The following C6 variants were observed in gnomAD, a reference collection of about 807,000 sequenced individuals.
C6 encodes complement component C6.
A neutral mutation model predicts 112.9 loss-of-function variants in C6; 101 were observed. The ratio of observed to expected loss-of-function variants is 0.89; its 90% CI spans 0.76 to 1.06. C6 has a LOEUF of 1.06. Among genes scored for constraint, C6 ranks in the 50% least tolerant of loss-of-function variants. The pLI, the probability that C6 is intolerant of heterozygous loss-of-function variation, is 0.00. For missense variants in C6, 1,202 were observed against 1,104.6 expected (o/e 1.09, Z -1.25); for synonymous variants, 431 against 384.1 (o/e 1.12, Z -1.43).
chr5:41,252,762 G>C (rs544378341), intron 1 of C6, among the ~76,000 whole-genome samples: 1 of 152,208 alleles, frequency 6.6e-6, no homozygotes, highest in Non-Finnish European at 1.5e-5. Context: ...CTACCTGGAG[G>C]CTTCATCTAC....
upstream of C6, among the ~76,000 whole-genome samples, chr5:41,216,416 C>G (rs919689562): frequency 2.6e-5 from 4 of 152,084 alleles, no homozygotes; most frequent in African/African-American, 9.7e-5. Context: ...CTTCCTACAC[C>G]CATCTAGGAT....
At chr5:41,232,751 C>A (rs529812208) in intron 1 of C6, among the ~76,000 whole-genome samples, 1 of 152,128 alleles carries the variant, frequency 6.6e-6, no homozygotes, top group East Asian at 1.9e-4. Flanking sequence ...CAATTAACTT[C>A]CTCAGAGTCA....
rs1214231041 is a variant in C6 at position 41,153,875 on chromosome 5, G to T, written c.2225C>A (p.Ser742Ter). 1.2e-6 allele frequency: 2 copies of T among 1,613,766 alleles called. No homozygotes were observed. The highest frequency in any genetic ancestry group is 4.5e-5 in the East Asian group (2 of 44,842). ...GGAATTCCCCTGGCATGTGTACCTT[G>T]ATGGCCCAGCAACAACAAAGCCTTT... ...CPKGFVVAGP[S>*]RYTCQGNSWT... The change falls in exon 15 of 18, where the codon TCA becomes TAA. Residue 742 changes from serine (S) to a stop codon, truncating the protein, a stop_gained. Coordinates refer to ENST00000337836, the MANE Select transcript of C6 (RefSeq NM_000065.5). LOFTEE classifies it high-confidence loss of function.
intron 7 of C6, among the ~76,000 whole-genome samples, chr5:41,179,333 T>C (rs80216597): frequency 2.6e-5 from 4 of 152,200 alleles, no homozygotes; most frequent in Non-Finnish European, 5.9e-5. Context: ...TTGAAATACA[T>C]ATAAATCACA....
chr5:41,206,320 C>T (rs2150377355), intron 1 of C6, among the ~76,000 whole-genome samples: 2 of 152,306 alleles, frequency 1.3e-5, no homozygotes, highest in South Asian at 4.1e-4. Flanking sequence ...CTCTTCTCCT[C>T]CAAAGGAACG....
chr5:41,176,346 C>T (rs981374700), intron 8 of C6, 129 bp downstream of exon 8: 5 of 926,784 alleles, frequency 5.4e-6, no homozygotes, highest in Non-Finnish European at 8.0e-6. Flanking sequence ...TATCATTCTT[C>T]ATATCATTTT....
chr5:41,240,293 C>T (rs114729308), intron 1 of C6, among the ~76,000 whole-genome samples: 9,453 of 152,078 alleles, frequency 0.062, 354 homozygotes, highest in Middle Eastern at 0.088. Flanking sequence ...GCCAAGAATG[C>T]CTGTTCTTGG....
At chr5:41,256,054 T>G (rs115094362) in intron 1 of C6, among the ~76,000 whole-genome samples, 1,894 of 152,276 alleles carry the variant, frequency 0.012, 44 homozygotes, top group African/African-American at 0.043. Flanking sequence ...TCTTAGATTC[T>G]TGCGATAGTT....
chr5:41,142,394 T>G lies in C6; in HGVS notation c.*431A>C, dbSNP rs927215528. 2 of 206,844 alleles carry G rather than the reference T, an allele frequency of 9.7e-6. No individual in the cohort carries two copies. The highest frequency in any genetic ancestry group is 1.7e-4 in the South Asian group (2 of 11,542). The allele number at this position is 206,844 out of a possible 1,614,324, so 12.8% of individuals were successfully genotyped here. On this transcript the variant is annotated 3_prime_UTR_variant, in exon 18 of 18. Coordinates refer to ENST00000337836, the MANE Select transcript of C6 (RefSeq NM_000065.5). ...GTATACACACTCAGAAATTATTTGT[T>G]GAATGAAGATATGAAAGCTGGGCTT... is the stretch of plus-strand genomic sequence containing the variant.
chr5:41,149,392 T>G lies in C6; in HGVS notation c.2472A>C (p.Leu824Phe), dbSNP rs1219428910. Residue 824 changes from leucine (L) to phenylalanine (F), a missense_variant, in exon 17 of 18, where the codon TTA (leucine) becomes TTC (phenylalanine). Physicochemically the swap from Leu to Phe is conservative, Grantham distance 22. Transcript: ENST00000337836. The part of the protein sequence containing the change: ...PACKFLAEKC[L>F]NNQQLHFLHI... ...GTAGAAAATGGAGTTGCTGATTATT[T>G]AAACATTTCTCAGCCAAAAACTTAC... The G allele has an allele frequency of 1.9e-6, 3 of 1,614,020 alleles. No homozygotes were observed. The highest frequency in any genetic ancestry group is 2.5e-6 in the Non-Finnish European group (3 of 1,180,004).
chr5:41,255,930 G>T (rs1358411620), intron 1 of C6, among the ~76,000 whole-genome samples: 2 of 152,212 alleles, frequency 1.3e-5, no homozygotes, highest in Non-Finnish European at 2.9e-5. Context: ...GAGTGGAGAT[G>T]TGCTAACAGA....
chr5:41,229,545 A>G (rs1196504683), intron 1 of C6, among the ~76,000 whole-genome samples: 1 of 152,044 alleles, frequency 6.6e-6, no homozygotes, highest in Non-Finnish European at 1.5e-5. Context: ...AGATGGTGCA[A>G]TTTGATTTCA....
intron 1 of C6, among the ~76,000 whole-genome samples, chr5:41,246,475 GGCAGAGAGTGTCCAAAGTAATCTTCAGGT>G (rs1389112191): frequency 6.6e-6 from 1 of 152,126 alleles, no homozygotes; most frequent in Non-Finnish European, 1.5e-5. Flanking sequence ...CATATGTGCA[GGCAGAGAGTGTCCAAAGTAATCTTCAGGT>G]GCAAAAAAAA....
intron 17 of C6, among the ~76,000 whole-genome samples, chr5:41,147,971 T>C (rs1469768944): frequency 1.3e-5 from 2 of 152,032 alleles, no homozygotes; most frequent in African/African-American, 4.8e-5. Flanking sequence ...TTGGTGAGAG[T>C]GTGGGAAAGC....
At position 41,261,117 on chromosome 5, in the gene C6, C is replaced by G. The variant is rs938294253; in HGVS notation, c.-21+77G>C. 3 of 804,644 alleles carry G rather than the reference C, an allele frequency of 3.7e-6. No individual in the cohort carries two copies. In the South Asian group the frequency reaches 1.7e-4, roughly 46 times the overall value. The allele number at this position is 804,644 out of a possible 1,614,324, so 49.8% of individuals were successfully genotyped here. The stretch of plus-strand genomic sequence containing the variant: ...AACTTTCATCTGGAAATCTTTTAAC[C>G]AGCCATTTCAAGAAGCACCAACCTC... On this transcript the variant is annotated intron_variant, in intron 1 of 17. Coordinates refer to the C6 transcript ENST00000263413.
chr5:41,229,668 G>A (rs1241870005), intron 1 of C6, among the ~76,000 whole-genome samples: 1 of 152,094 alleles, frequency 6.6e-6, no homozygotes, highest in African/African-American at 2.4e-5. Context: ...TGGATGGAAT[G>A]TTTTGTATAT....
At chr5:41,193,420 C>T (rs765996266) in intron 5 of C6, among the ~76,000 whole-genome samples, 1 of 152,222 alleles carries the variant, frequency 6.6e-6, no homozygotes, top group Non-Finnish European at 1.5e-5. Flanking sequence ...GTTTCACATA[C>T]AGCATTGTTT....
intron 1 of C6, among the ~76,000 whole-genome samples, chr5:41,254,447 C>T (rs1297750913): frequency 6.6e-6 from 1 of 152,096 alleles, no homozygotes; most frequent in Admixed American, 6.6e-5. Context: ...TTTTTGTCTT[C>T]TCCTTAGCTA....
chr5:41,178,497 GACAGA>G (rs57415684), intron 7 of C6, among the ~76,000 whole-genome samples: 95,666 of 131,134 alleles, frequency 0.73, 35,054 homozygotes, highest in Admixed American at 0.79. Flanking sequence ...GTGAGATGGA[GACAGA>G]GCTAGCTCTG....
Sources: gnomAD v4.1 joint callset for allele counts (sites outside exome capture counted in the v4.1 genomes callset) on GRCh38, gnomAD v4.1.1 for gene constraint, MANE v1.5 for transcripts, NCBI Gene and HGNC (gene_info 2026-07-23, HGNC 2026-07-21) for gene names.